The following POR variants were observed in gnomAD, a reference collection of about 807,000 sequenced individuals.
POR encodes the protein cytochrome p450 oxidoreductase, also known as NADPH--cytochrome P450 reductase.
Under a neutral mutation model 84.0 loss-of-function variants are expected in POR, and 56 were observed. The ratio of observed to expected loss-of-function variants is 0.67; its 90% CI spans 0.54 to 0.83. The LOEUF (loss-of-function observed/expected upper bound fraction) is 0.83, where lower values mean the gene tolerates loss of function less well. POR is among the 40% of genes least tolerant of loss of function. The pLI, the probability that POR is intolerant of heterozygous loss-of-function variation, is 0.00. For synonymous variants in POR, 414 were observed against 400.5 expected, an observed-to-expected ratio of 1.03 and a Z score of -0.40; for missense variants, 938 against 944.3, an observed-to-expected ratio of 0.99 and a Z score of 0.09.
intron 2 of POR, among the ~76,000 whole-genome samples, chr7:75,960,208 C>A (rs986768741): frequency 2.0e-5 from 3 of 152,008 alleles, no homozygotes; most frequent in Non-Finnish European, 4.4e-5. Context: ...AGAGGATCAC[C>A]TGAGCCTGGG....
chr7:75,936,710 C>T (rs1807702919), intron 1 of POR, among the ~76,000 whole-genome samples: 1 of 152,024 alleles, frequency 6.6e-6, no homozygotes, highest in Non-Finnish European at 1.5e-5. Flanking sequence ...TCCAGGTGAT[C>T]TCTCCAGACT....
At chr7:75,946,364 G>A (rs111730034) in intron 1 of POR, among the ~76,000 whole-genome samples, 1,645 of 151,984 alleles carry the variant, frequency 0.011, 31 homozygotes, top group African/African-American at 0.037. Flanking sequence ...ATGGCTCACC[G>A]CAACCTCAAC....
intron 3 of POR, chr7:75,972,842 A>G: frequency 3.4e-6 from 1 of 292,412 alleles, no homozygotes; most frequent in Admixed American, 4.6e-5. Context: ...TTTTTTTTTG[A>G]GATGGAATCT....
intron 4 of POR, 193 bp downstream of exon 4, chr7:75,979,772 T>C (rs1788903601): frequency 2.8e-6 from 2 of 718,498 alleles, no homozygotes; most frequent in Non-Finnish European, 4.3e-6. Context: ...ATTCCTGCAG[T>C]TGCAGCCACG....
intron 1 of POR, among the ~76,000 whole-genome samples, chr7:75,920,878 G>C (rs1221764771): frequency 6.6e-6 from 1 of 152,170 alleles, no homozygotes; most frequent in Non-Finnish European, 1.5e-5. Context: ...GCATTAGCCA[G>C]TGGTGCCCGG....
intron 7 of POR, chr7:75,982,018 G>GC: frequency 3.4e-6 from 2 of 590,274 alleles, no homozygotes; most frequent in South Asian, 4.0e-5. Flanking sequence ...TGGGCGTCTG[G>GC]CCCCCGGCAG....
chr7:75,954,047 G>A lies in POR; in HGVS notation c.55G>A (p.Val19Met), dbSNP rs1554553342. 6.2e-7 allele frequency: 1 copy of A among 1,610,760 alleles called. No individual in the cohort carries two copies. The highest frequency in any genetic ancestry group is 1.1e-5 in the South Asian group (1 of 90,318). The change falls in exon 2 of 16, where the codon GTG (valine) becomes ATG (methionine). Residue 19 changes from valine (V) to methionine (M), a missense_variant. Transcript: ENST00000461988. ...CACCAGCTCCACCGTGTCCGAGGCGGTGGCCGAAGAAGTATCTCTTTTCAG... is the reference window on the plus strand; with the variant it reads ...CACCAGCTCCACCGTGTCCGAGGCGATGGCCGAAGAAGTATCTCTTTTCAG...
At chr7:75,918,926 C>G (rs371833314) in intron 1 of POR, among the ~76,000 whole-genome samples, 4 of 151,588 alleles carry the variant, frequency 2.6e-5, no homozygotes, top group African/African-American at 9.7e-5. Flanking sequence ...CTGAAATGGT[C>G]CTAGGAACCA....
intron 2 of POR, among the ~76,000 whole-genome samples, chr7:75,970,704 G>A (rs1313761658): frequency 2.0e-5 from 3 of 150,382 alleles, no homozygotes; most frequent in African/African-American, 7.3e-5. Flanking sequence ...AGCCAAGATC[G>A]TGCCACTGCA....
chr7:75,933,381 T>TG (rs1807513437), intron 1 of POR, among the ~76,000 whole-genome samples: 1 of 85,120 alleles, frequency 1.2e-5, no homozygotes, highest in Non-Finnish European at 2.0e-5. Context: ...TCTTTGTTTT[T>TG]TTTTTTTTTT....
At chr7:75,927,436 G>GT (rs1426319077) in intron 1 of POR, among the ~76,000 whole-genome samples, 1 of 151,420 alleles carries the variant, frequency 6.6e-6, no homozygotes, top group Non-Finnish European at 1.5e-5. Context: ...CAGCCTGGCT[G>GT]ACAGAGTGAG....
chr7:75,981,114 C>T lies in POR; in HGVS notation c.583C>T (p.Leu195=). Reference sequence around the variant, plus strand: ...CATGGGCAAGTACGTGGACAAGCGGCTGGAGCAGCTCGGCGCCCAGCGCAT... The same window carrying T: ...CATGGGCAAGTACGTGGACAAGCGGTTGGAGCAGCTCGGCGCCCAGCGCAT... Residue 195 remains leucine (L), a synonymous_variant, in exon 6 of 16, where the codon CTG becomes TTG. Coordinates refer to ENST00000461988, the MANE Select transcript of POR (RefSeq NM_000941.3). The T allele has an allele frequency of 3.8e-6, 6 of 1,564,802 alleles. No homozygotes were observed. The highest frequency in any genetic ancestry group is 5.2e-6 in the Non-Finnish European group (6 of 1,155,708).
At chr7:75,955,939 A>T (rs1787668053) in intron 2 of POR, among the ~76,000 whole-genome samples, 1 of 152,232 alleles carries the variant, frequency 6.6e-6, no homozygotes, top group African/African-American at 2.4e-5. Context: ...TTCACACCGT[A>T]AAGCAGATAT....
intron 2 of POR, among the ~76,000 whole-genome samples, chr7:75,962,420 G>A (rs960893580): frequency 1.8e-4 from 28 of 152,134 alleles, no homozygotes; most frequent in African/African-American, 6.7e-4. Flanking sequence ...TCAGCCCCCT[G>A]AGTAGCTGGG....
chr7:75,954,175 G>A lies in POR; in HGVS notation c.183G>A (p.Gln61=). 1 of 1,607,810 alleles carries A rather than the reference G, an allele frequency of 6.2e-7. No individual in the cohort carries two copies. Among genetic ancestry groups the A allele is most frequent in the South Asian group, 1.1e-5 (1 of 89,812 alleles). ...AAGTCCCCGAGTTCACCAAAATTCAGACATTGTAAGTGCCGCCTCTCAGCC... is the reference window on the plus strand; with the variant it reads ...AAGTCCCCGAGTTCACCAAAATTCAAACATTGTAAGTGCCGCCTCTCAGCC... Residue 61 remains glutamine, a synonymous_variant, in exon 2 of 16, where the codon CAG becomes CAA. Coordinates refer to ENST00000461988, the MANE Select transcript of POR (RefSeq NM_000941.3).
Position 75,986,150 on chromosome 7 carries a change from T to TG in POR, c.1816-7dup, listed in dbSNP as rs782744435. ...AGTGCCCCCCTCACAGCACCACCCT[T>TG]GGCCCCAGGTCTACGTCCAGCACCT... On this transcript the variant is annotated splice_polypyrimidine_tract_variant and intron_variant, in intron 14 of 15. Transcript: ENST00000461988. 1 of 1,607,208 alleles carries TG rather than the reference T, an allele frequency of 6.2e-7. No homozygotes were observed. The highest frequency in any genetic ancestry group is 8.5e-7 in the Non-Finnish European group (1 of 1,177,194).
chr7:75,970,500 A>G (rs781944649), intron 2 of POR, among the ~76,000 whole-genome samples: 1 of 151,834 alleles, frequency 6.6e-6, no homozygotes, highest in Admixed American at 6.5e-5. Context: ...ACAGACCACC[A>G]CACCGGGCTA....
At chr7:75,969,275 T>C (rs1788328076) in intron 2 of POR, among the ~76,000 whole-genome samples, 1 of 152,230 alleles carries the variant, frequency 6.6e-6, no homozygotes, top group Non-Finnish European at 1.5e-5. Context: ...AATAACCAGA[T>C]GCAGCTCTTT....
chr7:75,940,552 A>G (rs1807929300), intron 1 of POR, among the ~76,000 whole-genome samples: 1 of 151,172 alleles, frequency 6.6e-6, no homozygotes, highest in Non-Finnish European at 1.5e-5. Context: ...TGGGAGGCTG[A>G]GGCAGGTGGA....
Sources: gnomAD v4.1 joint callset for allele counts (sites outside exome capture counted in the v4.1 genomes callset) on GRCh38, gnomAD v4.1.1 for gene constraint, MANE v1.5 for transcripts, NCBI Gene and HGNC (gene_info 2026-07-23, HGNC 2026-07-21) for gene names.